The following SST variants were observed in gnomAD, a reference collection of about 807,000 sequenced individuals.
SST encodes the protein somatostatin.
In SST, 7 loss-of-function variants were observed where a neutral mutation model predicts 10.4. That is an observed-to-expected ratio of 0.67 (90% CI 0.38 to 1.26). The LOEUF (loss-of-function observed/expected upper bound fraction) is 1.26. Ranked by LOEUF, SST falls within the 50% of genes most tolerant of loss-of-function variation. SST has a pLI of 0.02. For missense variants in SST, 145 were observed against 140.8 expected (o/e 1.03, Z -0.15); for synonymous variants, 63 against 63.9 (o/e 0.99, Z 0.07).
In SST at chr3:187,670,317, A is replaced by T; in HGVS notation, c.-26T>A. On this transcript the variant is annotated 5_prime_UTR_variant, in exon 1 of 2. Transcript: ENST00000287641. ...CTCGGCGCCGCGAAAGCCGAGCTGG[A>T]GAGTGGCTGGTCAAACTCTAGGCGC... The T allele has an allele frequency of 1.9e-6, 3 of 1,561,388 alleles. No individual in the cohort carries two copies. Among genetic ancestry groups the T allele is most frequent in the Non-Finnish European group, 2.6e-6 (3 of 1,152,462 alleles).
Position 187,669,009 on chromosome 3 carries a change from T to G in SST, c.*56A>C. Reference sequence around the variant, plus strand: ...GACTTGGAGGATTAGGGAAGAGAGATGGGGTGTGGGGGCGAGGGATCAGAG... The same window carrying G: ...GACTTGGAGGATTAGGGAAGAGAGAGGGGGTGTGGGGGCGAGGGATCAGAG... On this transcript the variant is annotated 3_prime_UTR_variant, in exon 2 of 2. Transcript: ENST00000287641. 1 of 1,516,396 alleles carries G rather than the reference T, an allele frequency of 6.6e-7. No homozygotes were observed. Among genetic ancestry groups the G allele is most frequent in the Non-Finnish European group, 9.2e-7 (1 of 1,091,846 alleles). The allele number at this position is 1,516,396 out of a possible 1,614,324, so 93.9% of individuals were successfully genotyped here. A position where few individuals can be genotyped will look rare whatever the true frequency, so the allele number is the denominator to read the frequency against.
chr3:187,670,315 G>A lies in SST; in HGVS notation c.-24C>T. 6 of 1,563,082 alleles carry A rather than the reference G, an allele frequency of 3.8e-6. No homozygotes were observed. Among genetic ancestry groups the A allele is most frequent in the Non-Finnish European group, 5.2e-6 (6 of 1,153,306 alleles). On this transcript the variant is annotated 5_prime_UTR_variant, in exon 1 of 2. Coordinates refer to ENST00000287641, the MANE Select transcript of SST (RefSeq NM_001048.4). ...ATCTCGGCGCCGCGAAAGCCGAGCT[G>A]GAGAGTGGCTGGTCAAACTCTAGGC...
intron 1 of SST, 95 bp from the exon 2 acceptor site, chr3:187,669,372 TCA>T: frequency 8.0e-7 from 1 of 1,250,548 alleles, no homozygotes; most frequent in Non-Finnish European, 1.1e-6. Context: ...ACAGATTTGG[TCA>T]CACACAAAAT....
rs1392171779 is a variant in SST at position 187,670,286 on chromosome 3, C to G, written c.6G>C (p.Leu2=). 6.3e-7 allele frequency: 1 copy of G among 1,583,890 alleles called. No homozygotes were observed. The highest frequency in any genetic ancestry group is 8.6e-7 in the Non-Finnish European group (1 of 1,164,820). M[L]SCRLQCALAA... Reference sequence around the variant, plus strand: ...CCAGCGCGCACTGGAGGCGGCAGGACAGCATCTCGGCGCCGCGAAAGCCGA... The same window carrying G: ...CCAGCGCGCACTGGAGGCGGCAGGAGAGCATCTCGGCGCCGCGAAAGCCGA... Residue 2 remains leucine (L), a synonymous_variant, in exon 1 of 2, where the codon CTG becomes CTC. Coordinates refer to ENST00000287641, the MANE Select transcript of SST (RefSeq NM_001048.4).
At chr3:187,669,555 CACAA>C (rs1717188344) in intron 1 of SST, among the ~76,000 whole-genome samples, 2 of 125,034 alleles carry the variant, frequency 1.6e-5, no homozygotes, top group South Asian at 2.4e-4. Context: ...CACACACACG[CACAA>C]ACACACACAC....
Position 187,670,374 on chromosome 3 carries a change from C to T in SST, c.-83G>A, listed in dbSNP as rs1717211188. ...GCAGGCAGCAGCGATGGCTCCGAAC[C>T]TCGCTCCTAAAGCGGCTTGTGTGCT... On this transcript the variant is annotated 5_prime_UTR_variant, in exon 1 of 2. Coordinates refer to ENST00000287641, the MANE Select transcript of SST (RefSeq NM_001048.4). 8.9e-6 allele frequency: 13 copies of T among 1,464,266 alleles called. 1 individual carries two copies. The highest frequency in any genetic ancestry group is 2.4e-4 in the Middle Eastern group (1 of 4,084). The allele number at this position is 1,464,266 out of a possible 1,614,324, so 90.7% of individuals were successfully genotyped here.
rs1305868728 is a variant in SST at position 187,669,047 on chromosome 3, C to A, written c.*18G>T. ...CGAGGGATCAGAGGTCTGATATGGACAATACTAGTTAAGAAAGCTAACAGG... is the reference window on the plus strand; with the variant it reads ...CGAGGGATCAGAGGTCTGATATGGAAAATACTAGTTAAGAAAGCTAACAGG... On this transcript the variant is annotated 3_prime_UTR_variant, in exon 2 of 2. Coordinates refer to ENST00000287641, the MANE Select transcript of SST (RefSeq NM_001048.4). 1 of 1,613,202 alleles carries A rather than the reference C, an allele frequency of 6.2e-7. No homozygotes were observed. Among genetic ancestry groups the A allele is most frequent in the Non-Finnish European group, 8.5e-7 (1 of 1,179,568 alleles).
At chr3:187,669,402 G>C in intron 1 of SST, 125 bp from the exon 2 acceptor site, 1 of 833,044 alleles carries the variant, frequency 1.2e-6, no homozygotes, top group Non-Finnish European at 1.9e-6. Flanking sequence ...TTACAGCTGC[G>C]CATTTTTTGT....
intron 1 of SST, among the ~76,000 whole-genome samples, chr3:187,669,611 G>T (rs1472822268): frequency 6.6e-6 from 1 of 151,822 alleles, no homozygotes; most frequent in Non-Finnish European, 1.5e-5. Context: ...GTAAGATAAA[G>T]TGTGTGCCAA....
chr3:187,670,292 C>T lies in SST; in HGVS notation c.-1G>A, dbSNP rs564863598. The stretch of plus-strand genomic sequence containing the variant: ...CGCACTGGAGGCGGCAGGACAGCAT[C>T]TCGGCGCCGCGAAAGCCGAGCTGGA... On this transcript the variant is annotated 5_prime_UTR_variant, in exon 1 of 2. Transcript: ENST00000287641. 6 of 1,578,264 alleles carry T rather than the reference C, an allele frequency of 3.8e-6. No homozygotes were observed. In the South Asian group the frequency reaches 5.8e-5, roughly 15 times the overall value.
intron 1 of SST, 140 bp downstream of exon 1, chr3:187,670,014 A>T: frequency 1.1e-6 from 1 of 879,162 alleles, no homozygotes; most frequent in Non-Finnish European, 1.7e-6. Context: ...TTTTCTCAAG[A>T]GCTTCGGGAG....
intron 1 of SST, 60 bp downstream of exon 1, chr3:187,670,094 G>T: frequency 6.5e-7 from 1 of 1,532,760 alleles, no homozygotes; most frequent in Non-Finnish European, 8.8e-7. Flanking sequence ...AACCAATGGG[G>T]CAGGAGCAAG....
At position 187,669,309 on chromosome 3, in the gene SST, G is replaced by A. The variant is rs747532018; in HGVS notation, c.139-32C>T. On this transcript the variant is annotated intron_variant, in intron 1 of 1. Transcript: ENST00000287641. The stretch of plus-strand genomic sequence containing the variant: ...AGGGCAGAAGGGATAGAAAAAGAGA[G>A]AAAGAGAAGTGGGGAGGACAATGGA... 8 of 1,601,724 alleles carry A rather than the reference G, an allele frequency of 5.0e-6. No homozygotes were observed. The East Asian group carries it at 1.6e-4, about 31-fold the overall frequency.
intron 1 of SST, among the ~76,000 whole-genome samples, chr3:187,669,529 AACACAC>A (rs57361717): frequency 3.4e-5 from 5 of 147,250 alleles, no homozygotes; most frequent in South Asian, 2.2e-4. Flanking sequence ...CTGTAGACTT[AACACAC>A]ACACACACAC....
intron 1 of SST, 65 bp from the exon 2 acceptor site, chr3:187,669,342 T>C: frequency 6.7e-7 from 1 of 1,495,152 alleles, no homozygotes; most frequent in Non-Finnish European, 9.2e-7. Context: ...GGAAAAAATT[T>C]GAAAAGCCTA....
At chr3:187,669,595 G>T (rs1717191405) in intron 1 of SST, among the ~76,000 whole-genome samples, 1 of 150,714 alleles carries the variant, frequency 6.6e-6, no homozygotes, top group South Asian at 2.1e-4. Flanking sequence ...CATAAAGACC[G>T]TTCTGGTAAG....
rs145389490 is a variant in SST, at chr3:187,669,673, A to AT, written c.139-397dup. Among the ~76,000 whole-genome samples, 445 of 152,166 alleles carry AT rather than the reference A, an allele frequency of 2.9e-3. 1 individual carries two copies. The highest frequency in any genetic ancestry group is 0.01 in the African/African-American group (427 of 41,516). On this transcript the variant is annotated intron_variant, in intron 1 of 1. Coordinates refer to ENST00000287641, the MANE Select transcript of SST (RefSeq NM_001048.4). ...AGCTACAAAGTAGAATTGTTTTACC[A>AT]TTTTTACCAAGTAAACTGTAGGGGA...
At position 187,670,283 on chromosome 3, in the gene SST, G is replaced by A; in HGVS notation, c.9C>T (p.Ser3=). 1.3e-6 allele frequency: 2 copies of A among 1,586,110 alleles called. No homozygotes were observed. The highest frequency in any genetic ancestry group is 1.7e-6 in the Non-Finnish European group (2 of 1,165,978). ...CAGCCAGCGCGCACTGGAGGCGGCA[G>A]GACAGCATCTCGGCGCCGCGAAAGC... ML[S]CRLQCALAAL... Residue 3 remains serine (S), a synonymous_variant, in exon 1 of 2, where the codon TCC becomes TCT. Coordinates refer to ENST00000287641, the MANE Select transcript of SST (RefSeq NM_001048.4).
rs887606968 is a variant in SST at position 187,670,383 on chromosome 3, A to G, written c.-92T>C. On this transcript the variant is annotated 5_prime_UTR_variant, in exon 1 of 2. Transcript: ENST00000287641. ...AGCGATGGCTCCGAACCTCGCTCCT[A>G]AAGCGGCTTGTGTGCTCTCAACCGT... is the stretch of plus-strand genomic sequence containing the variant. 9 of 1,438,560 alleles carry G rather than the reference A, an allele frequency of 6.3e-6. No homozygotes were observed. The highest frequency in any genetic ancestry group is 2.5e-4 in the Middle Eastern group (1 of 4,040). 89.1% of individuals were successfully genotyped at this position (1,438,560 alleles called of 1,614,324 possible). A position where few individuals can be genotyped will look rare whatever the true frequency, so the allele number is the denominator to read the frequency against.
Sources: allele counts gnomAD v4.1 joint callset (sites outside exome capture counted in the v4.1 genomes callset), GRCh38; gene constraint gnomAD v4.1.1; transcripts MANE v1.5; gene names NCBI Gene and HGNC (gene_info 2026-07-23, HGNC 2026-07-21).